The following NBPF12 variants were observed in gnomAD, a reference collection of about 807,000 sequenced individuals.
NBPF12 encodes NBPF member 12.
A neutral mutation model predicts 146.4 loss-of-function variants in NBPF12; 115 were observed. That is an observed-to-expected ratio of 0.79 (90% confidence interval 0.68 to 0.92). NBPF12 has a LOEUF of 0.92. Ranked by LOEUF, NBPF12 falls within the 40% of genes least tolerant of loss-of-function variation. NBPF12 has a pLI of 0.00. For synonymous variants in NBPF12, 385 were observed against 508.9 expected (o/e 0.76, Z 3.28); for missense variants, 1,205 against 1,326.8 (o/e 0.91, Z 1.43).
Position 146,964,542 on chromosome 1 carries a change from A to C in NBPF12, c.566+113A>C, listed in dbSNP as rs1570844383. 1.9e-6 allele frequency: 3 copies of C among 1,550,324 alleles called. No homozygotes were observed. In the East Asian group the frequency reaches 6.7e-5, roughly 35 times the overall value. On this transcript the variant is annotated intron_variant, in intron 7 of 33. Transcript: ENST00000617844. ...CAAAAGCCCGCATTCCCTTGGCCAC[A>C]GTATGTGAAATTCAACCCAGCTTAG...
intron 10 of NBPF12, among the ~76,000 whole-genome samples, chr1:146,969,147 A>G (rs1325907415): frequency 0.022 from 3,269 of 150,528 alleles, 58 homozygotes; most frequent in Middle Eastern, 0.034. Flanking sequence ...TGTTTACAGA[A>G]GGGAAAGATG....
chr1:146,938,857 C>G (rs1654647404), exon 1 of NBPF12: 1 of 152,420 alleles, frequency 6.6e-6, no homozygotes, highest in Admixed American at 6.5e-5. Context: ...CTGAGTGAGC[C>G]TGGTGATTTT....
intron 2 of NBPF12, 124 bp downstream of exon 2, chr1:146,943,686 G>C (rs1654898793): frequency 1.7e-6 from 1 of 591,312 alleles, no homozygotes; most frequent in African/African-American, 2.0e-5. Flanking sequence ...GCATCAAACA[G>C]ATATTAAATA....
chr1:146,980,676 TTGG>T (rs1196135816), intron 19 of NBPF12, among the ~76,000 whole-genome samples: 2 of 151,972 alleles, frequency 1.3e-5, no homozygotes, highest in Non-Finnish European at 2.9e-5. Context: ...TTTTACACTG[TTGG>T]TGGGACTGTA....
chr1:146,980,673 CTG>C (rs1657313963), intron 19 of NBPF12, among the ~76,000 whole-genome samples: 1 of 151,990 alleles, frequency 6.6e-6, no homozygotes, highest in African/African-American at 2.4e-5. Context: ...CACTTTTACA[CTG>C]TTGGTGGGAC....
rs1225605301 is a variant in NBPF12 at position 146,972,159 on chromosome 1, C to T, written c.1592-592C>T. 5.3e-5 allele frequency among the ~76,000 whole-genome samples: 8 copies of T among 149,920 alleles called. 1 individual carries two copies. Among genetic ancestry groups the T allele is most frequent in the East Asian group, 1.9e-4 (1 of 5,132 alleles). Reference sequence around the variant, plus strand: ...ATCTTAATCCCAGCACTTTGGGAGGCGGAGGTAGGTGGAACACCTGAGGTC... The same window carrying T: ...ATCTTAATCCCAGCACTTTGGGAGGTGGAGGTAGGTGGAACACCTGAGGTC... On this transcript the variant is annotated intron_variant, in intron 13 of 33. Coordinates refer to ENST00000617844, the Ensembl canonical transcript of NBPF12.
intron 16 of NBPF12, among the ~76,000 whole-genome samples, chr1:146,976,279 T>G (rs1657008262): frequency 6.6e-6 from 1 of 150,780 alleles, no homozygotes; most frequent in Non-Finnish European, 1.5e-5. Context: ...TGACTTGTCC[T>G]TCCTGAGTTT....
intron 2 of NBPF12, among the ~76,000 whole-genome samples, chr1:146,954,907 G>GTGTT (rs1231720709): frequency 7.7e-6 from 1 of 130,128 alleles, no homozygotes; most frequent in Middle Eastern, 3.8e-3. Context: ...AAACGTGTGT[G>GTGTT]TGTGTGTGTG....
chr1:146,977,279 G>C (rs1364449351), intron 17 of NBPF12, among the ~76,000 whole-genome samples, 187 bp from the exon 21 acceptor site: 1 of 147,512 alleles, frequency 6.8e-6, no homozygotes, highest in Non-Finnish European at 1.5e-5. Context: ...CTTCCTCTCT[G>C]GTTCCCATGG....
At chr1:146,969,216 A>T (rs1230957894) in intron 10 of NBPF12, among the ~76,000 whole-genome samples, 166 bp from the exon 14 acceptor site, 1 of 151,386 alleles carries the variant, frequency 6.6e-6, no homozygotes. Flanking sequence ...AAGCCTGTAA[A>T]CCATTTTCTC....
exon 34 of NBPF12, chr1:146,994,600 T>G (rs12126411): frequency 0.75 from 1,133,247 of 1,501,798 alleles, 450,524 homozygotes; most frequent in East Asian, 1. Flanking sequence ...GCCGAGAGGT[T>G]TCATTCCTGC....
chr1:146,962,916 G>A (rs1217019627), intron 5 of NBPF12, among the ~76,000 whole-genome samples, 179 bp from the exon 9 acceptor site: 5 of 151,086 alleles, frequency 3.3e-5, no homozygotes, highest in Admixed American at 6.6e-5. Flanking sequence ...TCTGATAGAG[G>A]GAAAGCCTGT....
rs1451353657 is a variant in NBPF12, at chr1:146,957,813, C to T, written c.-183-2046C>T. On this transcript the variant is annotated intron_variant, in intron 2 of 33. Coordinates refer to ENST00000617844, the Ensembl canonical transcript of NBPF12. ...GCTAGCTGTGCAGTAGCCCTCGCTC[C>T]GCCACTTAAAAAAGAAAAAAAAAAT... is the stretch of plus-strand genomic sequence containing the variant. 1.5e-4 allele frequency among the ~76,000 whole-genome samples: 17 copies of T among 115,036 alleles called. 4 individuals are homozygous for T. The East Asian group carries it at 2.9e-3, about 20-fold the overall frequency. 75.5% of individuals were successfully genotyped at this position (115,036 alleles called of 152,430 possible). A position where few individuals can be genotyped will look rare whatever the true frequency, so the allele number is the denominator to read the frequency against.
At chr1:146,994,632 G>T (rs1166575649) in exon 34 of NBPF12, 17 of 1,586,376 alleles carry the variant, frequency 1.1e-5, no homozygotes, top group Non-Finnish European at 1.3e-5. Context: ...ATAGGCACCT[G>T]AAGATTTGAA....
At chr1:146,954,919 GTGTA>G (rs1368613827) in intron 2 of NBPF12, among the ~76,000 whole-genome samples, 2 of 121,464 alleles carry the variant, frequency 1.6e-5, no homozygotes, top group African/African-American at 6.3e-5. Context: ...GTGTGTGTGT[GTGTA>G]TATATATATA....
chr1:146,964,429 G>C, exon 7 of NBPF12: 4 of 1,601,238 alleles, frequency 2.5e-6, no homozygotes, highest in African/African-American at 1.3e-5. Flanking sequence ...TCTGCCCCCA[G>C]GTAACACTGA....
At chr1:146,950,413 T>C (rs1655277237) in intron 1 of NBPF12, among the ~76,000 whole-genome samples, 1 of 151,860 alleles carries the variant, frequency 6.6e-6, no homozygotes, top group African/African-American at 2.4e-5. Context: ...ACAACTACAG[T>C]GATTCTAGTT....
chr1:146,964,306 C>G (rs1656052089), intron 6 of NBPF12, 51 bp from the exon 10 acceptor site: 1 of 1,597,046 alleles, frequency 6.3e-7, no homozygotes, highest in South Asian at 1.1e-5. Flanking sequence ...GCTGACTGTG[C>G]TTGCAGAATG....
chr1:146,960,988 A>G (rs1300356777), intron 4 of NBPF12, among the ~76,000 whole-genome samples: 1 of 152,052 alleles, frequency 6.6e-6, no homozygotes, highest in East Asian at 1.9e-4. Flanking sequence ...TCCACTAAAA[A>G]TACAAAAAGT....
Sources: allele counts gnomAD v4.1 joint callset (sites outside exome capture counted in the v4.1 genomes callset), GRCh38; gene constraint gnomAD v4.1.1; transcripts MANE v1.5; gene names NCBI Gene and HGNC (gene_info 2026-07-23, HGNC 2026-07-21).